The following NTNG1 variants were observed in gnomAD, a reference collection of about 807,000 sequenced individuals.
NTNG1 encodes netrin G1.
A neutral mutation model predicts 54.0 loss-of-function variants in NTNG1; 16 were observed. The observed-to-expected ratio is 0.30, with a 90% CI of 0.20 to 0.45. The LOEUF (loss-of-function observed/expected upper bound fraction) is 0.45. Ranked by LOEUF, NTNG1 falls within the 20% of genes least tolerant of loss-of-function variation. NTNG1 has a pLI of 1.00. For synonymous variants in NTNG1, 255 were observed against 263.1 expected, an observed-to-expected ratio of 0.97 and a Z score of 0.30; for missense variants, 530 against 678.7, an observed-to-expected ratio of 0.78 and a Z score of 2.43.
intron 3 of NTNG1, among the ~76,000 whole-genome samples, chr1:107,357,283 A>G (rs1669990116): frequency 6.8e-6 from 1 of 146,752 alleles, no homozygotes; most frequent in Admixed American, 7.0e-5. Flanking sequence ...CATGATCTCA[A>G]TTAAAAAAAA....
intron 2 of NTNG1, among the ~76,000 whole-genome samples, chr1:107,162,783 T>TC (rs1557772000): frequency 6.6e-6 from 1 of 152,186 alleles, no homozygotes; most frequent in Non-Finnish European, 1.5e-5. Flanking sequence ...GTAATTTTTT[T>TC]CCCAAATTTA....
At chr1:107,239,106 A>G (rs1355229684) in intron 2 of NTNG1, among the ~76,000 whole-genome samples, 1 of 152,190 alleles carries the variant, frequency 6.6e-6, no homozygotes, top group Non-Finnish European at 1.5e-5. Flanking sequence ...GGGAGCAAAT[A>G]TAATGCCTAG....
intron 2 of NTNG1, among the ~76,000 whole-genome samples, chr1:107,281,018 C>T (rs1664822585): frequency 6.6e-6 from 1 of 152,052 alleles, no homozygotes; most frequent in Non-Finnish European, 1.5e-5. Flanking sequence ...CCCCACATCT[C>T]ACCCTTACTC....
chr1:107,150,662 T>G (rs1161830407), intron 2 of NTNG1, among the ~76,000 whole-genome samples: 1 of 152,202 alleles, frequency 6.6e-6, no homozygotes, highest in Non-Finnish European at 1.5e-5. Flanking sequence ...GTGTGATTTG[T>G]GGGTGCAGCT....
chr1:107,169,854 T>C (rs1431683602), intron 2 of NTNG1, among the ~76,000 whole-genome samples: 2 of 152,186 alleles, frequency 1.3e-5, no homozygotes, highest in African/African-American at 4.8e-5. Flanking sequence ...TATGCTATTG[T>C]GGAGGCTGCC....
Position 107,445,831 on chromosome 1 carries a change from C to T in NTNG1, c.1390+9032C>T, listed in dbSNP as rs142384251. ...TAAATGAAAGAGTGTAGCTGTGTTC[C>T]GGTAAAACTTTTTTTATGGATGCTG... On this transcript the variant is annotated intron_variant, in intron 7 of 7. Transcript: ENST00000370068. Among the ~76,000 whole-genome samples the T allele has an allele frequency of 6.1e-3, 926 of 151,976 alleles. 15 individuals are homozygous for T. Among genetic ancestry groups the T allele is most frequent in the African/African-American group, 0.021 (884 of 41,468 alleles).
At chr1:107,454,130 G>A (rs1676788469) in intron 7 of NTNG1, among the ~76,000 whole-genome samples, 1 of 152,056 alleles carries the variant, frequency 6.6e-6, no homozygotes, top group Admixed American at 6.5e-5. Context: ...ACAGCCCTCA[G>A]TACTCATTAA....
intron 2 of NTNG1, among the ~76,000 whole-genome samples, chr1:107,179,644 G>C (rs1352411762): frequency 6.6e-6 from 1 of 152,042 alleles, no homozygotes; most frequent in Middle Eastern, 3.2e-3. Context: ...TGTTACACAG[G>C]TAAACTTGTG....
At chr1:107,469,312 T>C (rs1266012989) in intron 7 of NTNG1, among the ~76,000 whole-genome samples, 1 of 152,014 alleles carries the variant, frequency 6.6e-6, no homozygotes, top group Non-Finnish European at 1.5e-5. Context: ...CCAACCTGAG[T>C]TGGCAAGTCA....
At chr1:107,208,789 G>A (rs950191604) in intron 2 of NTNG1, among the ~76,000 whole-genome samples, 1 of 152,070 alleles carries the variant, frequency 6.6e-6, no homozygotes, top group African/African-American at 2.4e-5. Context: ...GTGGTCTTTT[G>A]TGGGGGCTTA....
chr1:107,410,201 T>C (rs1673708843), intron 5 of NTNG1: 1 of 152,076 alleles, frequency 6.6e-6, no homozygotes, highest in Non-Finnish European at 1.5e-5. Context: ...TCAAGGAAAA[T>C]AAATGATGTA....
At chr1:107,165,879 C>A (rs1655756588) in intron 2 of NTNG1, among the ~76,000 whole-genome samples, 1 of 152,122 alleles carries the variant, frequency 6.6e-6, no homozygotes, top group African/African-American at 2.4e-5. Context: ...TTAGTGGTTT[C>A]TCTCCACTGT....
At chr1:107,179,977 C>T (rs536209570) in intron 2 of NTNG1, among the ~76,000 whole-genome samples, 9 of 152,088 alleles carry the variant, frequency 5.9e-5, no homozygotes. Context: ...TTTAAAACTC[C>T]GGTGTACACA....
rs578195209 is a variant in NTNG1, at chr1:107,415,185, TATTCTTGAATG to T, written c.1087+7481_1087+7491del. 1.4e-3 allele frequency among the ~76,000 whole-genome samples: 208 copies of T among 152,280 alleles called. 1 individual carries two copies. The highest frequency in any genetic ancestry group is 4.5e-3 in the African/African-American group (187 of 41,576). On this transcript the variant is annotated intron_variant, in intron 5 of 7. Coordinates refer to ENST00000370068, the MANE Select transcript of NTNG1 (RefSeq NM_001113226.3). ...AGAAGAAGTGATTTCCATAAAAAGC[TATTCTTGAATG>T]ATTTGCCATTTACAAGCATATCGTG...
At chr1:107,250,098 TG>T (rs1277689884) in intron 2 of NTNG1, among the ~76,000 whole-genome samples, 12 of 152,344 alleles carry the variant, frequency 7.9e-5, no homozygotes, top group Middle Eastern at 3.4e-3. Context: ...AAGCCTTCCT[TG>T]GCACAAATTT....
At chr1:107,214,570 C>T (rs566237104) in intron 2 of NTNG1, among the ~76,000 whole-genome samples, 17 of 152,148 alleles carry the variant, frequency 1.1e-4, no homozygotes, top group Admixed American at 5.2e-4. Flanking sequence ...CAAATTATGC[C>T]GCTATAAATA....
Position 107,324,283 on chromosome 1 carries a change from G to A in NTNG1, c.248G>A (p.Gly83Asp). Residue 83 changes from glycine to aspartate, a missense_variant and splice_region_variant, in exon 3 of 8, where the codon GGC becomes GAC. Coordinates refer to ENST00000370068, the MANE Select transcript of NTNG1 (RefSeq NM_001113226.3). The part of the protein sequence containing the change: ...GDPPETFCAM[G>D]NPYMCNNECD... ...CGCTCTTTTGTTCTTCTTCCATAGG[G>A]CAATCCCTACATGTGCAATAATGAG... The A allele has an allele frequency of 6.2e-7, 1 of 1,612,352 alleles. No individual in the cohort carries two copies. The highest frequency in any genetic ancestry group is 1.1e-5 in the South Asian group (1 of 90,978).
intron 2 of NTNG1, among the ~76,000 whole-genome samples, chr1:107,171,273 A>AT (rs995326627): frequency 1.3e-4 from 20 of 151,962 alleles, no homozygotes; most frequent in Admixed American, 3.9e-4. Context: ...AAAAGTTTTC[A>AT]TTTTTTCTCA....
At chr1:107,329,537 C>T (rs1441104115) in intron 3 of NTNG1, among the ~76,000 whole-genome samples, 2 of 152,130 alleles carry the variant, frequency 1.3e-5, no homozygotes, top group Non-Finnish European at 2.9e-5. Flanking sequence ...TTTTAAATTT[C>T]TGGAAAAATC....
Sources: allele counts gnomAD v4.1 joint callset (sites outside exome capture counted in the v4.1 genomes callset), GRCh38; gene constraint gnomAD v4.1.1; transcripts MANE v1.5; gene names NCBI Gene and HGNC (gene_info 2026-07-23, HGNC 2026-07-21).